HMCN1: variants seen among roughly 807,000 people sequenced by gnomAD.
HMCN1 encodes hemicentin 1, also known as hemicentin-1.
HMCN1 carries 321 observed loss-of-function variants against 625.9 expected under a neutral mutation model. That is an observed-to-expected ratio of 0.51 (90% confidence interval 0.47 to 0.56). The LOEUF (loss-of-function observed/expected upper bound fraction) is 0.56, where lower values mean the gene tolerates loss of function less well. Among genes scored for constraint, HMCN1 ranks in the 20% least tolerant of loss-of-function variants. The pLI, the probability that HMCN1 is intolerant of heterozygous loss-of-function variation, is 0.00. For synonymous variants in HMCN1, 2,425 were observed against 2,417.6 expected (o/e 1.00, Z -0.09); for missense variants, 6,588 against 6,887.3 (o/e 0.96, Z 1.54).
At chr1:185,743,853 CTTAT>C (rs1412681144) in intron 1 of HMCN1, among the ~76,000 whole-genome samples, 1 of 151,918 alleles carries the variant, frequency 6.6e-6, no homozygotes, top group East Asian at 1.9e-4. Flanking sequence ...GTTGCTGTAA[CTTAT>C]TTGTCTATAA....
intron 4 of HMCN1, among the ~76,000 whole-genome samples, chr1:185,893,145 G>C (rs544562984): frequency 2.0e-5 from 3 of 152,356 alleles, no homozygotes; most frequent in Middle Eastern, 3.4e-3. Flanking sequence ...TCCTGAGTGA[G>C]GCAATGCCTC....
intron 16 of HMCN1, 144 bp downstream of exon 16, chr1:185,978,125 C>T: frequency 1.6e-6 from 1 of 625,904 alleles, no homozygotes; most frequent in Non-Finnish European, 2.7e-6. Flanking sequence ...TGAAATAGTA[C>T]TGGCATTTTA....
At chr1:186,103,334 A>G (rs1483252273) in intron 68 of HMCN1, 138 bp from the exon 69 acceptor site, 5 of 706,446 alleles carry the variant, frequency 7.1e-6, no homozygotes, top group African/African-American at 1.8e-5. Context: ...AATGACATCT[A>G]GGAATTATTT....
intron 10 of HMCN1, among the ~76,000 whole-genome samples, chr1:185,931,230 TG>T (rs1238651548): frequency 6.6e-6 from 1 of 152,130 alleles, no homozygotes; most frequent in Non-Finnish European, 1.5e-5. Flanking sequence ...AGCCTATGCT[TG>T]TCATCTTTCC....
intron 80 of HMCN1, among the ~76,000 whole-genome samples, chr1:186,121,671 G>A (rs538810943): frequency 1.3e-5 from 2 of 152,198 alleles, no homozygotes; most frequent in African/African-American, 2.4e-5. Context: ...TAGTGGAGAT[G>A]TCAAGTAGAG....
chr1:186,111,801 G>T (rs748572714), intron 71 of HMCN1, among the ~76,000 whole-genome samples: 1 of 151,972 alleles, frequency 6.6e-6, no homozygotes, highest in Admixed American at 6.6e-5. Flanking sequence ...ATCACTAATA[G>T]CCCCAATAGA....
At chr1:186,002,911 T>C (rs1218637606) in intron 28 of HMCN1, among the ~76,000 whole-genome samples, 5 of 152,140 alleles carry the variant, frequency 3.3e-5, no homozygotes, top group Non-Finnish European at 7.4e-5. Flanking sequence ...TCCTGTTATG[T>C]CTACTTCCTA....
At chr1:186,180,789 A>C (rs1308868814) in intron 104 of HMCN1, among the ~76,000 whole-genome samples, 1 of 152,190 alleles carries the variant, frequency 6.6e-6, no homozygotes, top group East Asian at 1.9e-4. Flanking sequence ...GGCAATTCAT[A>C]GGCTTAAACA....
Position 186,055,586 on chromosome 1 carries a change from C to T in HMCN1, c.7056C>T (p.Asn2352=), listed in dbSNP as rs749904064. ...AAGGTCACATCCTTCAGCTGAAGAACATTCATGTATCTGACACAGGCCGTT... is the reference window on the plus strand; with the variant it reads ...AAGGTCACATCCTTCAGCTGAAGAATATTCATGTATCTGACACAGGCCGTT... ...LDEGHILQLK[N]IHVSDTGRYV... Residue 2352 remains asparagine (N), a synonymous_variant, in exon 45 of 107, where the codon AAC becomes AAT. Transcript: ENST00000271588. The T allele has an allele frequency of 2.0e-5, 32 of 1,612,794 alleles. No individual in the cohort carries two copies. Among genetic ancestry groups the T allele is most frequent in the Non-Finnish European group, 2.7e-5 (32 of 1,179,170 alleles).
intron 11 of HMCN1, among the ~76,000 whole-genome samples, chr1:185,946,235 A>AT (rs1360971193): frequency 1.3e-5 from 2 of 152,110 alleles, no homozygotes; most frequent in East Asian, 1.9e-4. Context: ...TAAAGGCTAG[A>AT]TTTTTTAGTC....
In HMCN1 at chr1:185,984,217, A is replaced by T. The variant is rs762644971; in HGVS notation, c.2839A>T (p.Ile947Phe). 2.5e-6 allele frequency: 4 copies of T among 1,613,376 alleles called. No individual in the cohort carries two copies. In the South Asian group the frequency reaches 4.4e-5, roughly 18 times the overall value. The change falls in exon 19 of 107, where the codon ATT becomes TTT. Residue 947 changes from isoleucine to phenylalanine, a missense_variant. Coordinates refer to ENST00000271588, the MANE Select transcript of HMCN1 (RefSeq NM_031935.3). The stretch of plus-strand genomic sequence containing the variant: ...TGTGCGCAGTGATGGGAGCCTCCAT[A>T]TTGAAAGAGTTCAGCTTCAGGATGG... ...ITVRSDGSLH[I>F]ERVQLQDGGE... is the part of the protein sequence containing the mutation.
At chr1:185,850,843 A>G (rs1207077164) in intron 2 of HMCN1, among the ~76,000 whole-genome samples, 1 of 152,086 alleles carries the variant, frequency 6.6e-6, no homozygotes, top group African/African-American at 2.4e-5. Context: ...ACAACCAGCA[A>G]GGGAAAAAAA....
intron 81 of HMCN1, among the ~76,000 whole-genome samples, chr1:186,124,879 T>C (rs532713825): frequency 4.6e-5 from 7 of 152,100 alleles, no homozygotes; most frequent in Non-Finnish European, 7.4e-5. Flanking sequence ...ACTTTTTGTC[T>C]TTTCTTTAGA....
intron 2 of HMCN1, among the ~76,000 whole-genome samples, chr1:185,855,441 G>A (rs1026093844): frequency 1.3e-5 from 2 of 151,850 alleles, no homozygotes; most frequent in Non-Finnish European, 2.9e-5. Flanking sequence ...TTTATTCTTG[G>A]TTGTCTCCAT....
At chr1:186,015,825 G>A (rs747128858) in intron 31 of HMCN1, 133 bp from the exon 32 acceptor site, 8 of 781,886 alleles carry the variant, frequency 1.0e-5, no homozygotes, top group Non-Finnish European at 1.7e-5. Flanking sequence ...ATAGCTTAGA[G>A]GGAGACAGGC....
At chr1:186,022,160 G>T (rs966082408) in intron 35 of HMCN1, among the ~76,000 whole-genome samples, 2 of 152,106 alleles carry the variant, frequency 1.3e-5, no homozygotes, top group Admixed American at 1.3e-4. Context: ...GACACATGTA[G>T]AGCTCAGGAG....
Position 186,076,579 on chromosome 1 carries a change from T to C in HMCN1, c.8442T>C (p.Asp2814=), listed in dbSNP as rs1658826558. The C allele has an allele frequency of 1.2e-6, 2 of 1,613,714 alleles. No homozygotes were observed. Among genetic ancestry groups the C allele is most frequent in the Admixed American group, 3.3e-5 (2 of 59,956 alleles). ...CTCCTACACTGACATGGTACAAAGA[T>C]GGCCACCCTCTGACCTCAAGTGATA... is the stretch of plus-strand genomic sequence containing the variant. ...APPPTLTWYK[D]GHPLTSSDKV... is the part of the protein sequence containing the mutation. The change falls in exon 54 of 107, where the codon GAT becomes GAC. Residue 2814 remains aspartate (D), a synonymous_variant. Coordinates refer to ENST00000271588, the MANE Select transcript of HMCN1 (RefSeq NM_031935.3).
intron 52 of HMCN1, 145 bp downstream of exon 52, chr1:186,070,902 C>T: frequency 1.2e-6 from 1 of 836,058 alleles, no homozygotes; most frequent in Non-Finnish European, 1.9e-6. Flanking sequence ...GAATCTAAAA[C>T]TTAAAAAAAA....
At chr1:185,803,778 A>G (rs1279510833) in intron 1 of HMCN1, among the ~76,000 whole-genome samples, 1 of 152,066 alleles carries the variant, frequency 6.6e-6, no homozygotes, top group East Asian at 1.9e-4. Flanking sequence ...AACTTGTGTA[A>G]ATTTAGGTAA....
Sources: allele counts gnomAD v4.1 joint callset (sites outside exome capture counted in the v4.1 genomes callset), GRCh38; gene constraint gnomAD v4.1.1; transcripts MANE v1.5; gene names NCBI Gene and HGNC (gene_info 2026-07-23, HGNC 2026-07-21).